Variants in STK32B observed in about 807,000 individuals in gnomAD.
STK32B encodes serine/threonine-protein kinase 32B.
Under a neutral mutation model 52.6 loss-of-function variants are expected in STK32B, and 43 were observed. That is an observed-to-expected ratio of 0.82 (90% CI 0.64 to 1.05). The LOEUF (loss-of-function observed/expected upper bound fraction) is 1.05, where lower values mean the gene tolerates loss of function less well. Among genes scored for constraint, STK32B ranks in the 50% least tolerant of loss-of-function variants. STK32B has a pLI of 0.00. For missense variants in STK32B, 621 were observed against 534.6 expected, an observed-to-expected ratio of 1.16 and a Z score of -1.59; for synonymous variants, 238 against 204.3, an observed-to-expected ratio of 1.17 and a Z score of -1.41.
intron 4 of STK32B, among the ~76,000 whole-genome samples, chr4:5,344,006 A>G (rs1733282637): frequency 6.6e-6 from 1 of 152,220 alleles, no homozygotes; most frequent in Admixed American, 6.5e-5. Context: ...GAGCAAATGA[A>G]CAATGAAGGC....
At chr4:5,139,284 C>T (rs1413408582) in intron 1 of STK32B, among the ~76,000 whole-genome samples, 4 of 152,172 alleles carry the variant, frequency 2.6e-5, no homozygotes, top group African/African-American at 9.7e-5. Flanking sequence ...TGCTTTGGAT[C>T]TGTTGAGTTC....
chr4:5,295,928 A>G (rs78688131), intron 3 of STK32B, among the ~76,000 whole-genome samples: 1 of 150,428 alleles, frequency 6.6e-6, no homozygotes, highest in African/African-American at 2.4e-5. Flanking sequence ...CTCTCTAAAC[A>G]CTGCTTTAAC....
chr4:5,487,594 T>C (rs1171562346), intron 11 of STK32B, among the ~76,000 whole-genome samples: 1 of 152,172 alleles, frequency 6.6e-6, no homozygotes, highest in Non-Finnish European at 1.5e-5. Context: ...AAATGTCAAC[T>C]GACAAAAGAA....
At chr4:5,472,572 C>T (rs1717926649) in intron 11 of STK32B, among the ~76,000 whole-genome samples, 1 of 152,154 alleles carries the variant, frequency 6.6e-6, no homozygotes, top group African/African-American at 2.4e-5. Flanking sequence ...CTGAGCAGGG[C>T]TGATTTTTCC....
At chr4:5,347,479 A>G (rs1024197410) in intron 4 of STK32B, among the ~76,000 whole-genome samples, 2 of 152,196 alleles carry the variant, frequency 1.3e-5, no homozygotes, top group African/African-American at 4.8e-5. Flanking sequence ...CATTATTGAG[A>G]TGGAGGAGAT....
intron 4 of STK32B, among the ~76,000 whole-genome samples, chr4:5,376,530 G>C (rs1266120293): frequency 1.3e-5 from 2 of 151,966 alleles, no homozygotes; most frequent in Non-Finnish European, 2.9e-5. Context: ...AGGGACCATG[G>C]ACCCTACCCA....
At chr4:5,228,534 CT>C (rs925574318) in intron 3 of STK32B, among the ~76,000 whole-genome samples, 5 of 152,036 alleles carry the variant, frequency 3.3e-5, no homozygotes, top group Non-Finnish European at 7.4e-5. Context: ...ATTTTTTTGT[CT>C]TTTATGGATC....
chr4:5,200,132 G>A (rs1201693029), intron 3 of STK32B, among the ~76,000 whole-genome samples: 1 of 152,020 alleles, frequency 6.6e-6, no homozygotes, highest in Non-Finnish European at 1.5e-5. Flanking sequence ...TGGGAATAAC[G>A]TCTAGTTCTT....
At chr4:5,443,099 C>T (rs201990276) in intron 6 of STK32B, among the ~76,000 whole-genome samples, 13,067 of 149,890 alleles carry the variant, frequency 0.087, 874 homozygotes, top group East Asian at 0.39. Context: ...TTGCTCTTCT[C>T]GAGGAGTATC....
In STK32B at chr4:5,499,250, C is replaced by G; in HGVS notation, c.*167C>G. The G allele has an allele frequency of 1.1e-6, 1 of 944,438 alleles. No homozygotes were observed. 58.5% of individuals were successfully genotyped at this position (944,438 alleles called of 1,614,324 possible). On this transcript the variant is annotated 3_prime_UTR_variant, in exon 12 of 12. Coordinates refer to ENST00000282908, the MANE Select transcript of STK32B (RefSeq NM_018401.3). The stretch of plus-strand genomic sequence containing the variant: ...CTGGGTTCTGGTCCCATCTCCATGA[C>G]TGATTCACGTGTGACCTCAGACAAG...
intron 11 of STK32B, among the ~76,000 whole-genome samples, chr4:5,484,056 T>C (rs1718947059): frequency 6.6e-6 from 1 of 152,224 alleles, no homozygotes; most frequent in South Asian, 2.1e-4. Flanking sequence ...GAAAAGAATG[T>C]ATATTCTGTT....
intron 4 of STK32B, among the ~76,000 whole-genome samples, chr4:5,382,791 A>G (rs750088273): frequency 1.3e-5 from 2 of 152,102 alleles, no homozygotes; most frequent in Non-Finnish European, 2.9e-5. Flanking sequence ...TTTATGCAAC[A>G]TTGCATTTAA....
intron 1 of STK32B, among the ~76,000 whole-genome samples, chr4:5,105,124 G>A (rs1714030662): frequency 6.6e-6 from 1 of 152,106 alleles, no homozygotes; most frequent in Non-Finnish European, 1.5e-5. Flanking sequence ...TTAGCTACTG[G>A]TAGGTGTGTA....
chr4:5,233,193 C>G (rs35578731), intron 3 of STK32B, among the ~76,000 whole-genome samples: 1 of 152,030 alleles, frequency 6.6e-6, no homozygotes, highest in Admixed American at 6.6e-5. Flanking sequence ...GGGGAATGGA[C>G]AGGTTTATGG....
chr4:5,132,581 AC>A, intron 1 of STK32B, among the ~76,000 whole-genome samples: 1 of 152,266 alleles, frequency 6.6e-6, no homozygotes, highest in Non-Finnish European at 1.5e-5. Flanking sequence ...GGAATGTGAC[AC>A]CTCTGGAAGC....
At chr4:5,266,886 T>C (rs1199980504) in intron 3 of STK32B, among the ~76,000 whole-genome samples, 1 of 152,162 alleles carries the variant, frequency 6.6e-6, no homozygotes, top group African/African-American at 2.4e-5. Flanking sequence ...TTAAAGTTGC[T>C]CATAATTCCT....
At chr4:5,239,761 A>ATTT (rs200618799) in intron 3 of STK32B, among the ~76,000 whole-genome samples, 1 of 147,816 alleles carries the variant, frequency 6.8e-6, no homozygotes, top group African/African-American at 2.5e-5. Context: ...AAGAGTCAGA[A>ATTT]TTTTTTTTTT....
chr4:5,323,465 A>AGAC (rs1412407803), intron 3 of STK32B, among the ~76,000 whole-genome samples: 3 of 151,982 alleles, frequency 2.0e-5, no homozygotes, highest in Non-Finnish European at 4.4e-5. Context: ...CAAGGGAGGG[A>AGAC]GACGGCTATG....
At chr4:5,423,052 C>A (rs1428908169) in intron 6 of STK32B, among the ~76,000 whole-genome samples, 1 of 152,064 alleles carries the variant, frequency 6.6e-6, no homozygotes, top group African/African-American at 2.4e-5. Flanking sequence ...GCAGACAGGG[C>A]AAAGCACAGG....
Sources: gnomAD v4.1 joint callset for allele counts (sites outside exome capture counted in the v4.1 genomes callset) on GRCh38, gnomAD v4.1.1 for gene constraint, MANE v1.5 for transcripts, NCBI Gene and HGNC (gene_info 2026-07-23, HGNC 2026-07-21) for gene names.